Variants in RIMS2 observed in about 807,000 individuals in gnomAD.
The protein encoded by RIMS2 is regulating synaptic membrane exocytosis 2.
RIMS2 carries 59 observed loss-of-function variants against 174.4 expected under a neutral mutation model. The ratio of observed to expected loss-of-function variants is 0.34; its 90% CI spans 0.27 to 0.42. RIMS2 has a LOEUF of 0.42. Ranked by LOEUF, RIMS2 falls within the 10% of genes least tolerant of loss-of-function variation. The pLI, the probability that RIMS2 is intolerant of heterozygous loss-of-function variation, is 1.00. For synonymous variants in RIMS2, 606 were observed against 572.5 expected, an observed-to-expected ratio of 1.06 and a Z score of -0.84; for missense variants, 1,620 against 1,666.3, an observed-to-expected ratio of 0.97 and a Z score of 0.48.
At chr8:104,238,525 G>C (rs1039719350) in intron 19 of RIMS2, among the ~76,000 whole-genome samples, 2 of 151,880 alleles carry the variant, frequency 1.3e-5, no homozygotes, top group African/African-American at 2.4e-5. Flanking sequence ...CTACCACAGA[G>C]GTTGATGAAG....
chr8:104,172,209 A>C (rs1283281566), intron 19 of RIMS2, among the ~76,000 whole-genome samples: 1 of 152,222 alleles, frequency 6.6e-6, no homozygotes, highest in East Asian at 1.9e-4. Context: ...TGGTAGACAG[A>C]GGTCCCAGCC....
Position 104,222,148 on chromosome 8 carries a change from T to C in RIMS2, c.3335-22768T>C, listed in dbSNP as rs115963287. ...GTGTCCCATACCTCTTAACTTTTTA[T>C]TTGCATTCATCTCCTTTTTAGCACT... On this transcript the variant is annotated intron_variant, in intron 19 of 23. Coordinates refer to ENST00000504942, the Ensembl canonical transcript of RIMS2. Among the ~76,000 whole-genome samples, 692 of 152,340 alleles carry C rather than the reference T, an allele frequency of 4.5e-3. 9 individuals carry two copies. Among genetic ancestry groups the C allele is most frequent in the African/African-American group, 0.016 (650 of 41,566 alleles).
chr8:104,026,984 G>A (rs2096270795), intron 19 of RIMS2, among the ~76,000 whole-genome samples: 1 of 152,140 alleles, frequency 6.6e-6, no homozygotes, highest in Non-Finnish European at 1.5e-5. Context: ...AAATGACCAT[G>A]TGTCCAAAAT....
chr8:104,160,577 T>G (rs2134674688), intron 19 of RIMS2, among the ~76,000 whole-genome samples: 1 of 152,332 alleles, frequency 6.6e-6, no homozygotes, highest in Admixed American at 6.5e-5. Context: ...CAAATGCAAA[T>G]TATCTTGCGT....
rs73285167 is a variant in RIMS2, at chr8:103,514,274, C to G, written c.176+13212C>G. On this transcript the variant is annotated intron_variant, in intron 1 of 23. Coordinates refer to ENST00000504942, the Ensembl canonical transcript of RIMS2. Reference sequence around the variant, plus strand: ...CTAGGTCCTTCATGATTTGTCCTCTCTTCATTTACCATCTTTTAGACTTTT... The same window carrying G: ...CTAGGTCCTTCATGATTTGTCCTCTGTTCATTTACCATCTTTTAGACTTTT... Among the ~76,000 whole-genome samples the G allele has an allele frequency of 5.0e-3, 765 of 152,338 alleles. 8 individuals carry two copies. The highest frequency in any genetic ancestry group is 0.017 in the African/African-American group (725 of 41,586).
intron 1 of RIMS2, among the ~76,000 whole-genome samples, chr8:103,517,517 T>TTTTTTTTTTTTTTTTTTTTGAGACGG (rs1829553013): frequency 6.6e-6 from 1 of 152,172 alleles, no homozygotes; most frequent in African/African-American, 2.4e-5. Context: ...CACTAATTTT[T>TTTTTTTTTTTTTTTTTTTTGAGACGG]AAAAACTGAA....
chr8:104,174,698 G>A (rs1166156661), intron 19 of RIMS2, among the ~76,000 whole-genome samples: 1 of 152,156 alleles, frequency 6.6e-6, no homozygotes, highest in Non-Finnish European at 1.5e-5. Flanking sequence ...AGAAGCAACA[G>A]AAAGAAAGGT....
chr8:104,181,468 G>A (rs554545935), intron 19 of RIMS2, among the ~76,000 whole-genome samples: 6 of 151,610 alleles, frequency 4.0e-5, no homozygotes, highest in East Asian at 1.9e-4. Context: ...AATCTGAGCC[G>A]TCAACCCTTT....
At chr8:104,229,821 C>T (rs2099214280) in intron 19 of RIMS2, among the ~76,000 whole-genome samples, 2 of 152,176 alleles carry the variant, frequency 1.3e-5, no homozygotes, top group Admixed American at 6.5e-5. Context: ...CATCCCAATA[C>T]AGCCAGAAGG....
At chr8:103,725,490 G>A (rs2097517081) in intron 2 of RIMS2, among the ~76,000 whole-genome samples, 1 of 152,162 alleles carries the variant, frequency 6.6e-6, no homozygotes, top group South Asian at 2.1e-4. Context: ...CATATAATAT[G>A]TAGTGTCCTC....
chr8:103,819,925 T>C (rs2098741510), intron 3 of RIMS2, among the ~76,000 whole-genome samples: 1 of 152,094 alleles, frequency 6.6e-6, no homozygotes, highest in African/African-American at 2.4e-5. Context: ...AAATGCCCGA[T>C]AGATGTTTTC....
chr8:103,660,849 AAGC>A (rs2096591871), intron 1 of RIMS2, among the ~76,000 whole-genome samples: 1 of 152,252 alleles, frequency 6.6e-6, no homozygotes. Context: ...AAATTGATAA[AAGC>A]AGCAAAGTAC....
At chr8:104,112,905 A>G (rs1007100137) in intron 19 of RIMS2, among the ~76,000 whole-genome samples, 4 of 152,204 alleles carry the variant, frequency 2.6e-5, no homozygotes, top group Non-Finnish European at 5.9e-5. Flanking sequence ...TAAATGAGAA[A>G]GATAATTCTA....
chr8:103,715,351 C>A (rs1368703683), intron 2 of RIMS2, among the ~76,000 whole-genome samples: 1 of 152,052 alleles, frequency 6.6e-6, no homozygotes, highest in Non-Finnish European at 1.5e-5. Context: ...CCAACAGGCC[C>A]CAGTGTATGG....
intron 3 of RIMS2, among the ~76,000 whole-genome samples, chr8:103,865,833 T>A (rs2099082062): frequency 6.6e-6 from 1 of 152,140 alleles, no homozygotes; most frequent in African/African-American, 2.4e-5. Context: ...TTTTAAAAAA[T>A]TGATTAAAGT....
intron 3 of RIMS2, among the ~76,000 whole-genome samples, chr8:103,836,637 T>A (rs1294272643): frequency 1.3e-5 from 2 of 152,210 alleles, no homozygotes; most frequent in Admixed American, 1.3e-4. Flanking sequence ...TCAACAATAA[T>A]TTTTTGGGTC....
At chr8:104,086,933 A>T (rs1477262152) in intron 19 of RIMS2, among the ~76,000 whole-genome samples, 1 of 152,226 alleles carries the variant, frequency 6.6e-6, no homozygotes, top group East Asian at 1.9e-4. Flanking sequence ...GGTGTGCCCA[A>T]CTGTCTGTTC....
rs77699286 is a variant in RIMS2, at chr8:104,192,623, A to C, written c.3335-52293A>C. ...ATTGCTGCTGTACTTACTCACTTGA[A>C]TGAAATGTAAGAACTTGTCTTTCTG... On this transcript the variant is annotated intron_variant, in intron 19 of 23. Coordinates refer to ENST00000504942, the Ensembl canonical transcript of RIMS2. Among the ~76,000 whole-genome samples, 1,158 of 152,276 alleles carry C rather than the reference A, an allele frequency of 7.6e-3. 11 individuals are homozygous for C. Among genetic ancestry groups the C allele is most frequent in the African/African-American group, 0.025 (1,020 of 41,564 alleles).
chr8:103,902,745 G>C (rs1231092913), intron 4 of RIMS2, among the ~76,000 whole-genome samples: 1 of 152,088 alleles, frequency 6.6e-6, no homozygotes, highest in Non-Finnish European at 1.5e-5. Context: ...GAAATCTTCT[G>C]TGTTTCAATT....
Sources: allele counts gnomAD v4.1 joint callset (sites outside exome capture counted in the v4.1 genomes callset), GRCh38; gene constraint gnomAD v4.1.1; transcripts MANE v1.5; gene names NCBI Gene and HGNC (gene_info 2026-07-23, HGNC 2026-07-21).